The following PCDH7 variants were observed in gnomAD, a reference collection of about 807,000 sequenced individuals.
PCDH7 encodes protocadherin 7.
In PCDH7, 17 loss-of-function variants were observed where a neutral mutation model predicts 58.9. The ratio of observed to expected loss-of-function variants is 0.29; its 90% CI spans 0.20 to 0.43. The LOEUF is 0.43. Ranked by LOEUF, PCDH7 falls within the 20% of genes least tolerant of loss-of-function variation. PCDH7 has a pLI of 1.00. For missense variants in PCDH7, 1,274 were observed against 1,441.0 expected (o/e 0.88, Z 1.88); for synonymous variants, 664 against 616.4 (o/e 1.08, Z -1.14).
intron 2 of PCDH7, among the ~76,000 whole-genome samples, chr4:30,921,255 T>C (rs2109415957): frequency 6.6e-6 from 1 of 152,248 alleles, no homozygotes; most frequent in Admixed American, 6.5e-5. Flanking sequence ...GAGAGATGGT[T>C]AAACAGAGAG....
intron 3 of PCDH7, among the ~76,000 whole-genome samples, chr4:31,114,300 G>C (rs1405586734): frequency 6.6e-6 from 1 of 151,554 alleles, no homozygotes; most frequent in Non-Finnish European, 1.5e-5. Context: ...GGCATCTTTG[G>C]GTAAATAATA....
chr4:30,774,216 ACTTGAGAACTGT>A (rs1334149507), intron 1 of PCDH7, among the ~76,000 whole-genome samples: 1 of 152,158 alleles, frequency 6.6e-6, no homozygotes, highest in African/African-American at 2.4e-5. Flanking sequence ...CCAAGAGGAT[ACTTGAGAACTGT>A]CTTGTTCTCT....
intron 3 of PCDH7, among the ~76,000 whole-genome samples, chr4:31,107,451 A>T (rs1325586636): frequency 6.6e-6 from 1 of 152,218 alleles, no homozygotes; most frequent in Non-Finnish European, 1.5e-5. Context: ...TTTGATAATT[A>T]TAATGAGTCA....
intron 1 of PCDH7, among the ~76,000 whole-genome samples, chr4:30,838,543 G>A (rs1205855856): frequency 6.6e-6 from 1 of 152,074 alleles, no homozygotes; most frequent in Non-Finnish European, 1.5e-5. Context: ...ATTAAGCCAC[G>A]TGGAAGTGAT....
intron 3 of PCDH7, among the ~76,000 whole-genome samples, chr4:31,117,827 A>G (rs1226501743): frequency 6.6e-6 from 1 of 152,152 alleles, no homozygotes; most frequent in African/African-American, 2.4e-5. Flanking sequence ...AAGGATGGGT[A>G]GAGGGGTTGT....
intron 3 of PCDH7, among the ~76,000 whole-genome samples, chr4:31,090,092 C>G (rs1713032982): frequency 6.6e-6 from 1 of 152,006 alleles, no homozygotes; most frequent in African/African-American, 2.4e-5. Context: ...AATGCCAAGT[C>G]AGCAGGCTAT....
chr4:30,948,956 T>C (rs142163089), intron 2 of PCDH7, among the ~76,000 whole-genome samples: 280 of 152,246 alleles, frequency 1.8e-3, no homozygotes, highest in African/African-American at 6.2e-3. Flanking sequence ...ACCCTAATGA[T>C]CCTTGTGATA....
At chr4:31,119,416 A>G (rs897398743) in intron 3 of PCDH7, among the ~76,000 whole-genome samples, 8 of 152,138 alleles carry the variant, frequency 5.3e-5, no homozygotes, top group African/African-American at 1.9e-4. Context: ...TAAAGTTTTT[A>G]CCAACTGCAA....
intron 1 of PCDH7, among the ~76,000 whole-genome samples, chr4:30,860,555 A>G (rs1734073570): frequency 6.6e-6 from 1 of 152,054 alleles, no homozygotes; most frequent in South Asian, 2.1e-4. Flanking sequence ...GGCAGCCTAT[A>G]TGAACAAGGA....
intron 1 of PCDH7, among the ~76,000 whole-genome samples, chr4:30,798,030 G>A (rs561891964): frequency 6.6e-6 from 1 of 152,190 alleles, no homozygotes; most frequent in Non-Finnish European, 1.5e-5. Flanking sequence ...CTGGAATTCA[G>A]TTGTTACCAA....
At chr4:30,861,306 T>C (rs1734162339) in intron 1 of PCDH7, among the ~76,000 whole-genome samples, 1 of 152,176 alleles carries the variant, frequency 6.6e-6, no homozygotes, top group African/African-American at 2.4e-5. Flanking sequence ...CCTAGTGACA[T>C]ACTGCATGCA....
At chr4:31,017,351 G>A (rs1753696313) in intron 3 of PCDH7, among the ~76,000 whole-genome samples, 1 of 151,970 alleles carries the variant, frequency 6.6e-6, no homozygotes, top group Non-Finnish European at 1.5e-5. Flanking sequence ...ATTGTGATAA[G>A]GGCTATACTG....
At chr4:30,927,852 A>AT (rs1219242004) in intron 2 of PCDH7, among the ~76,000 whole-genome samples, 5 of 76,632 alleles carry the variant, frequency 6.5e-5, no homozygotes, top group South Asian at 8.1e-4. Context: ...AGAATGATCA[A>AT]TAAAAAAAAC....
chr4:30,894,463 GAAAAAAAAA>G (rs750545292), intron 1 of PCDH7, among the ~76,000 whole-genome samples: 299 of 12,736 alleles, frequency 0.023, 1 homozygote, highest in African/African-American at 0.085. Context: ...TTTCATTCAG[GAAAAAAAAA>G]AAAAAAAAAA....
At chr4:30,729,066 T>C (rs1715075334) in intron 1 of PCDH7, among the ~76,000 whole-genome samples, 1 of 151,790 alleles carries the variant, frequency 6.6e-6, no homozygotes, top group South Asian at 2.1e-4. Flanking sequence ...TTACAAGGTG[T>C]CAAACAGTCC....
chr4:31,016,167 A>C (rs1454494346), intron 3 of PCDH7, among the ~76,000 whole-genome samples: 1 of 152,204 alleles, frequency 6.6e-6, no homozygotes, highest in Non-Finnish European at 1.5e-5. Flanking sequence ...GCTATTAATG[A>C]CCAATGTTCA....
Position 31,028,386 on chromosome 4 carries a change from A to T in PCDH7, c.*7+78171A>T, listed in dbSNP as rs1023525110. The stretch of plus-strand genomic sequence containing the variant: ...GAGGAAGTTAAGTGTTTCATTTCGA[A>T]ATTACCCAAATTGTAGTACTTTGGG... On this transcript the variant is annotated intron_variant, in intron 3 of 3. Coordinates refer to the PCDH7 transcript ENST00000509759. 3.3e-5 allele frequency among the ~76,000 whole-genome samples: 5 copies of T among 152,268 alleles called. No homozygotes were observed. In the East Asian group the frequency reaches 9.6e-4, roughly 29 times the overall value.
intron 3 of PCDH7, among the ~76,000 whole-genome samples, chr4:30,977,285 A>T (rs570539211): frequency 6.6e-6 from 1 of 152,286 alleles, no homozygotes; most frequent in South Asian, 2.1e-4. Flanking sequence ...TATCATTTTA[A>T]TAAAAATTAT....
At chr4:30,900,948 TAGATA>T (rs1019245020) in intron 1 of PCDH7, among the ~76,000 whole-genome samples, 2 of 152,198 alleles carry the variant, frequency 1.3e-5, no homozygotes, top group African/African-American at 4.8e-5. Context: ...TGACAAGTGT[TAGATA>T]ACTCTATGAA....
Sources: allele counts gnomAD v4.1 joint callset (sites outside exome capture counted in the v4.1 genomes callset), GRCh38; gene constraint gnomAD v4.1.1; transcripts MANE v1.5; gene names NCBI Gene and HGNC (gene_info 2026-07-23, HGNC 2026-07-21).